The following ACOX3 variants were observed in gnomAD, a reference collection of about 807,000 sequenced individuals.
The protein encoded by ACOX3 is peroxisomal acyl-coenzyme A oxidase 3.
A neutral mutation model predicts 81.5 loss-of-function variants in ACOX3; 73 were observed. The ratio of observed to expected loss-of-function variants is 0.90; its 90% CI spans 0.74 to 1.09. ACOX3 has a LOEUF of 1.09. Ranked by LOEUF, ACOX3 falls within the 50% of genes least tolerant of loss-of-function variation. The pLI, the probability that ACOX3 is intolerant of heterozygous loss-of-function variation, is 0.00. For missense variants in ACOX3, 947 were observed against 928.0 expected (o/e 1.02, Z -0.27); for synonymous variants, 387 against 375.1 (o/e 1.03, Z -0.37).
chr4:8,401,099 C>T (rs935785072), intron 7 of ACOX3, among the ~76,000 whole-genome samples: 5 of 151,952 alleles, frequency 3.3e-5, no homozygotes, highest in East Asian at 1.9e-4. Flanking sequence ...GTAGGATTCA[C>T]GCTCCTATAA....
downstream of ACOX3, among the ~76,000 whole-genome samples, chr4:8,362,584 T>C (rs183247578): frequency 3.3e-5 from 5 of 152,366 alleles, no homozygotes; most frequent in Non-Finnish European, 7.3e-5. Context: ...ATGGGATGCT[T>C]TGCATTAAGG....
Position 8,370,208 on chromosome 4 carries a change from C to T in ACOX3, c.1983+700G>A, listed in dbSNP as rs768535950. 2.6e-5 allele frequency among the ~76,000 whole-genome samples: 4 copies of T among 152,144 alleles called. No individual in the cohort carries two copies. Among genetic ancestry groups the T allele is most frequent in the Admixed American group, 6.5e-5 (1 of 15,286 alleles). ...CCCTGGGGTGGGCATGGGCCTGGCG[C>T]GACAGACGGGGAGGCCAGTAAGGCT... On this transcript the variant is annotated intron_variant, in intron 17 of 17. Coordinates refer to ENST00000356406, the MANE Select transcript of ACOX3 (RefSeq NM_003501.3). The surrounding 1 kb of genome is among the most constrained non-coding windows in gnomAD (Gnocchi z 6.3).
In ACOX3 at chr4:8,392,418, C is replaced by T. The variant is rs140347834; in HGVS notation, c.1215G>A (p.Ser405=). The change falls in exon 11 of 18, where the codon TCG becomes TCA. Residue 405 remains serine (S), a synonymous_variant. Transcript: ENST00000356406. ...ELGREIHALA[S]ASKPLASWTT... The stretch of plus-strand genomic sequence containing the variant: ...TCCACGAGGCCAGGGGCTTGCTGGC[C>T]GATGCCAGGGCGTGGATCTCACGTC... 5.4e-4 allele frequency: 869 copies of T among 1,608,328 alleles called. No homozygotes were observed. The highest frequency in any genetic ancestry group is 6.9e-4 in the Non-Finnish European group (811 of 1,178,006).
chr4:8,424,190 G>A (rs571497877), intron 1 of ACOX3, among the ~76,000 whole-genome samples: 14 of 152,294 alleles, frequency 9.2e-5, no homozygotes, highest in Admixed American at 7.2e-4. Context: ...GGCTTCTGCC[G>A]AATATGGATT....
At chr4:8,412,792 C>A (rs1721870226) in intron 5 of ACOX3, among the ~76,000 whole-genome samples, 1 of 151,982 alleles carries the variant, frequency 6.6e-6, no homozygotes, top group African/African-American at 2.4e-5. Context: ...TGGGTGAGGA[C>A]CCTCCCCATC....
chr4:8,365,751 TG>T (rs56860847), downstream of ACOX3, among the ~76,000 whole-genome samples: 32,590 of 151,926 alleles, frequency 0.21, 3,672 homozygotes, highest in African/African-American at 0.28. Flanking sequence ...TGGGATGTGG[TG>T]GGGGGGTGGT....
At chr4:8,427,769 A>G (rs1186146494) in intron 1 of ACOX3, among the ~76,000 whole-genome samples, 2 of 152,202 alleles carry the variant, frequency 1.3e-5, no homozygotes, top group African/African-American at 4.8e-5. Context: ...CCGGCCAGTA[A>G]CAATGCCTTG....
At position 8,381,999 on chromosome 4, in the gene ACOX3, T is replaced by C. The variant is rs1410086132; in HGVS notation, c.1538-392A>G. ...CTCCACAGCATCAGCCAGGACTGCA[T>C]GGGCAGCAGGACAACTGGCCGGCGG... On this transcript the variant is annotated intron_variant, in intron 13 of 17. Coordinates refer to ENST00000356406, the MANE Select transcript of ACOX3 (RefSeq NM_003501.3). This position sits in a 1 kb window ranked among gnomAD's most constrained non-coding sequence, Gnocchi z 4.3. Among the ~76,000 whole-genome samples the C allele has an allele frequency of 2.6e-5, 4 of 152,232 alleles. No individual in the cohort carries two copies. Among genetic ancestry groups the C allele is most frequent in the Non-Finnish European group, 5.9e-5 (4 of 68,034 alleles).
At position 8,370,264 on chromosome 4, in the gene ACOX3, T is replaced by C. The variant is rs1285736208; in HGVS notation, c.1983+644A>G. 6.6e-6 allele frequency among the ~76,000 whole-genome samples: 1 copy of C among 151,322 alleles called. No homozygotes were observed. The highest frequency in any genetic ancestry group is 1.5e-5 in the Non-Finnish European group (1 of 67,842). On this transcript the variant is annotated intron_variant, in intron 17 of 17. Transcript: ENST00000356406. The surrounding 1 kb of genome is among the most constrained non-coding windows in gnomAD (Gnocchi z 6.3). ...TGGTGGGCAGGAGGGGAGCGTGGGG[T>C]GAAGGGCCTTGGAAGGATTCAGTGG...
chr4:8,403,944 C>A (rs537244951), intron 7 of ACOX3, among the ~76,000 whole-genome samples: 5 of 152,298 alleles, frequency 3.3e-5, no homozygotes, highest in East Asian at 3.9e-4. Context: ...TCGGGCCTTA[C>A]GTGCACACAT....
intron 15 of ACOX3, chr4:8,373,979 TGGGCAGAGTGAAGCAGG>T (rs1716599589): frequency 3.5e-6 from 1 of 283,980 alleles, no homozygotes; most frequent in African/African-American, 2.3e-5. Context: ...AAGGGGCTCC[TGGGCAGAGTGAAGCAGG>T]GGTGCATGGC....
At chr4:8,376,078 G>A (rs1716926029) in intron 14 of ACOX3, among the ~76,000 whole-genome samples, 1 of 152,180 alleles carries the variant, frequency 6.6e-6, no homozygotes, top group Non-Finnish European at 1.5e-5. Context: ...TTAGCTCTCT[G>A]AGAAATTGCC....
rs1249703537 is a variant in ACOX3, at chr4:8,386,446, G to A, written c.1537+2727C>T. On this transcript the variant is annotated intron_variant, in intron 13 of 17. Coordinates refer to ENST00000356406, the MANE Select transcript of ACOX3 (RefSeq NM_003501.3). The surrounding 1 kb of genome is among the most constrained non-coding windows in gnomAD (Gnocchi z 5.2). ...CCGGGTGTGGTTGTGGGCTCCTGTA[G>A]TCCCAGCTACTCCGGAGGCTGAGGC... is the stretch of plus-strand genomic sequence containing the variant. 6.6e-6 allele frequency among the ~76,000 whole-genome samples: 1 copy of A among 151,798 alleles called. No homozygotes were observed. Among genetic ancestry groups the A allele is most frequent in the African/African-American group, 2.4e-5 (1 of 41,274 alleles).
At chr4:8,440,183 G>T (rs1724527438) in intron 1 of ACOX3, among the ~76,000 whole-genome samples, 1 of 152,096 alleles carries the variant, frequency 6.6e-6, no homozygotes, top group Non-Finnish European at 1.5e-5. Context: ...CCTTAAAGTC[G>T]TAAGCCTTTA....
intron 1 of ACOX3, among the ~76,000 whole-genome samples, chr4:8,427,007 G>C (rs528217884): frequency 6.6e-6 from 1 of 152,208 alleles, no homozygotes; most frequent in Admixed American, 6.5e-5. Context: ...GGGTTTTCCT[G>C]TTGAGAGGGG....
Position 8,405,882 on chromosome 4 carries a change from A to G in ACOX3, c.776+73T>C. On this transcript the variant is annotated intron_variant, in intron 7 of 17. Coordinates refer to ENST00000356406, the MANE Select transcript of ACOX3 (RefSeq NM_003501.3). This position sits in a 1 kb window ranked among gnomAD's most constrained non-coding sequence, Gnocchi z 7.1. ...GCATGGCATCCATGGGGCCAGTGAG[A>G]TCTCAGACATGAGCGACAACGCAGC... 6.9e-7 allele frequency: 1 copy of G among 1,440,254 alleles called. No homozygotes were observed. Among genetic ancestry groups the G allele is most frequent in the Non-Finnish European group, 9.8e-7 (1 of 1,022,812 alleles). The allele number at this position is 1,440,254 out of a possible 1,614,324, so 89.2% of individuals were successfully genotyped here.
At chr4:8,421,425 T>C (rs1722932389) in intron 1 of ACOX3, among the ~76,000 whole-genome samples, 1 of 152,194 alleles carries the variant, frequency 6.6e-6, no homozygotes, top group Non-Finnish European at 1.5e-5. Context: ...AAAGCTGTCG[T>C]CCCAAATTCC....
At position 8,384,221 on chromosome 4, in the gene ACOX3, G is replaced by A. The variant is rs1439005495; in HGVS notation, c.1538-2614C>T. Among the ~76,000 whole-genome samples the A allele has an allele frequency of 2.0e-5, 3 of 152,186 alleles. No homozygotes were observed. Among genetic ancestry groups the A allele is most frequent in the Non-Finnish European group, 4.4e-5 (3 of 68,036 alleles). On this transcript the variant is annotated intron_variant, in intron 13 of 17. Transcript: ENST00000356406. The surrounding 1 kb of genome is among the most constrained non-coding windows in gnomAD (Gnocchi z 5.3). Reference sequence around the variant, plus strand: ...TTGAGAAATGAGTTATGTTTGCACTGTGTTTTTTCCTTACACTCTACTTTT... The same window carrying A: ...TTGAGAAATGAGTTATGTTTGCACTATGTTTTTTCCTTACACTCTACTTTT...
intron 13 of ACOX3, among the ~76,000 whole-genome samples, chr4:8,383,481 A>G (rs1717943770): frequency 6.6e-6 from 1 of 152,212 alleles, no homozygotes; most frequent in Non-Finnish European, 1.5e-5. Context: ...CAGAGACAGC[A>G]AAGTCACAGA....
Sources: allele counts gnomAD v4.1 joint callset (sites outside exome capture counted in the v4.1 genomes callset), GRCh38; gene constraint gnomAD v4.1.1; non-coding constraint Gnocchi (gnomAD v3.1); transcripts MANE v1.5; gene names NCBI Gene and HGNC (gene_info 2026-07-23, HGNC 2026-07-21).